The following C2orf42 variants were observed in gnomAD, a reference collection of about 807,000 sequenced individuals.
C2orf42 encodes the protein uncharacterized protein C2orf42.
In C2orf42, 44 loss-of-function variants were observed where a neutral mutation model predicts 58.9. The ratio of observed to expected loss-of-function variants is 0.75; its 90% CI spans 0.59 to 0.96. The LOEUF (loss-of-function observed/expected upper bound fraction) is 0.96, where lower values mean the gene tolerates loss of function less well. Among genes scored for constraint, C2orf42 ranks in the 40% least tolerant of loss-of-function variants. The pLI is 0.00. For synonymous variants in C2orf42, 239 were observed against 265.4 expected (o/e 0.90, Z 0.97); for missense variants, 630 against 699.2 (o/e 0.90, Z 1.12).
At chr2:70,155,003 T>C (rs529518689) in intron 9 of C2orf42, among the ~76,000 whole-genome samples, 17 of 152,186 alleles carry the variant, frequency 1.1e-4, no homozygotes, top group Admixed American at 1.0e-3. Context: ...TCCAGCACTT[T>C]GGGAGGCCAA....
intron 5 of C2orf42, among the ~76,000 whole-genome samples, chr2:70,174,816 G>A (rs140203706): frequency 1.3e-5 from 2 of 152,098 alleles, no homozygotes; most frequent in Admixed American, 6.6e-5. Context: ...GATTACAGAC[G>A]TCTGCCACCA....
intron 1 of C2orf42, among the ~76,000 whole-genome samples, chr2:70,187,128 A>C (rs1041435589): frequency 1.3e-5 from 2 of 149,154 alleles, no homozygotes; most frequent in African/African-American, 2.5e-5. Context: ...AAAACAAAAC[A>C]AAAAAAAAAC....
chr2:70,168,446 CCTGG>C lies in C2orf42; in HGVS notation c.1144+1107_1144+1110del, dbSNP rs1427087474. 3.3e-5 allele frequency among the ~76,000 whole-genome samples: 5 copies of C among 151,212 alleles called. No individual in the cohort carries two copies. In the Admixed American group the frequency reaches 3.3e-4, roughly 10 times the overall value. ...GGGACTACAGGCACCCGCCACCACA[CCTGG>C]CTAATTTTTTTGTATTTTTAGTAGA... On this transcript the variant is annotated intron_variant, in intron 6 of 9. Coordinates refer to ENST00000264434, the MANE Select transcript of C2orf42 (RefSeq NM_017880.3).
chr2:70,151,391 T>G (rs1452474876), intron 9 of C2orf42, among the ~76,000 whole-genome samples: 2 of 152,094 alleles, frequency 1.3e-5, no homozygotes, highest in African/African-American at 4.8e-5. Context: ...ATTCCAGCAC[T>G]GTGGGAGGCT....
chr2:70,154,414 TAAAAAAAAAAAAAAA>T (rs36028499), intron 9 of C2orf42, among the ~76,000 whole-genome samples: 32 of 25,604 alleles, frequency 1.2e-3, no homozygotes, highest in East Asian at 3.6e-3. Context: ...AAATTTTTAC[TAAAAAAAAAAAAAAA>T]AAAAAAAAAA....
chr2:70,160,047 G>A (rs965249291), intron 9 of C2orf42, among the ~76,000 whole-genome samples: 1 of 151,488 alleles, frequency 6.6e-6, no homozygotes. Context: ...ATACAAAACT[G>A]AAGAAACAAA....
rs978577289 is a variant in C2orf42, at chr2:70,181,242, G to T, written c.744C>A (p.Phe248Leu). 1.2e-6 allele frequency: 2 copies of T among 1,606,998 alleles called. No homozygotes were observed. Among genetic ancestry groups the T allele is most frequent in the Non-Finnish European group, 1.7e-6 (2 of 1,174,248 alleles). ...TGGCAAAGGCACAGATGCAAGCAAA[G>T]AAATGAATGCATCTCTGGGCTGTCT... ...KDETAQRCIHFFACICAFASD... is the reference protein window; with the variant it reads ...KDETAQRCIHLFACICAFASD... Residue 248 changes from phenylalanine to leucine, a missense_variant, in exon 3 of 10, where the codon TTC (phenylalanine) becomes TTA (leucine). Transcript: ENST00000264434.
intron 8 of C2orf42, among the ~76,000 whole-genome samples, chr2:70,161,689 A>C (rs1673058588): frequency 6.6e-6 from 1 of 151,908 alleles, no homozygotes; most frequent in African/African-American, 2.4e-5. Context: ...AAAAATACAA[A>C]ATTAGCCAGG....
At chr2:70,176,847 G>T (rs1318054149) in intron 4 of C2orf42, among the ~76,000 whole-genome samples, 20 of 152,098 alleles carry the variant, frequency 1.3e-4, no homozygotes, top group Non-Finnish European at 2.4e-4. Flanking sequence ...CTTTACCATG[G>T]TTCATTTAAC....
In C2orf42 at chr2:70,156,992, G is replaced by A. The variant is rs570597255; in HGVS notation, c.1516+3633C>T. 1.3e-3 allele frequency among the ~76,000 whole-genome samples: 192 copies of A among 152,214 alleles called. 1 individual carries two copies. The highest frequency in any genetic ancestry group is 0.01 in the Middle Eastern group (3 of 294). On this transcript the variant is annotated intron_variant, in intron 9 of 9. Transcript: ENST00000264434. ...TTTACATTGATAACATACAATTTAC[G>A]TTAACAACATCTGGCAATAACTCTG... is the stretch of plus-strand genomic sequence containing the variant.
At chr2:70,155,690 C>T (rs1326012678) in intron 9 of C2orf42, among the ~76,000 whole-genome samples, 4 of 151,438 alleles carry the variant, frequency 2.6e-5, no homozygotes, top group African/African-American at 9.7e-5. Flanking sequence ...GTCCCAGCTA[C>T]TCGGGAGGCT....
chr2:70,180,122 T>C (rs901067724), intron 3 of C2orf42, among the ~76,000 whole-genome samples: 1 of 151,376 alleles, frequency 6.6e-6, no homozygotes, highest in Non-Finnish European at 1.5e-5. Flanking sequence ...TGAAACCTCA[T>C]CTCTACTAAA....
intron 5 of C2orf42, among the ~76,000 whole-genome samples, chr2:70,174,632 C>T (rs926022203): frequency 1.3e-5 from 2 of 152,018 alleles, no homozygotes; most frequent in Non-Finnish European, 2.9e-5. Context: ...ACTCCCTGTG[C>T]TACTCTTTTA....
At chr2:70,163,799 G>A (rs370955052) in intron 8 of C2orf42, among the ~76,000 whole-genome samples, 28 of 152,094 alleles carry the variant, frequency 1.8e-4, no homozygotes, top group Non-Finnish European at 3.4e-4. Context: ...ACAGTGAGCC[G>A]AGATCGTGCC....
At chr2:70,179,268 CA>C (rs947592303) in intron 4 of C2orf42, among the ~76,000 whole-genome samples, 105 of 144,818 alleles carry the variant, frequency 7.3e-4, no homozygotes, top group African/African-American at 2.4e-3. Context: ...CCCATAAGAA[CA>C]AAAACATAAT....
At chr2:70,157,339 AGC>A (rs1672740800) in intron 9 of C2orf42, among the ~76,000 whole-genome samples, 1 of 152,132 alleles carries the variant, frequency 6.6e-6, no homozygotes. Flanking sequence ...CTGTAGTCCC[AGC>A]TACTCAGGAG....
intron 8 of C2orf42, among the ~76,000 whole-genome samples, chr2:70,162,720 T>C (rs1673137289): frequency 6.6e-6 from 1 of 152,084 alleles, no homozygotes; most frequent in Non-Finnish European, 1.5e-5. Flanking sequence ...CAATCCTTCA[T>C]CTCAGCCTCC....
chr2:70,170,471 C>T (rs1673734403), intron 5 of C2orf42, among the ~76,000 whole-genome samples: 3 of 151,994 alleles, frequency 2.0e-5, no homozygotes, highest in Admixed American at 2.0e-4. Flanking sequence ...TGGTCTCAAA[C>T]TCCTGGCCTC....
chr2:70,186,551 G>A (rs1195347860), intron 1 of C2orf42, among the ~76,000 whole-genome samples: 3 of 152,170 alleles, frequency 2.0e-5, no homozygotes, highest in African/African-American at 7.2e-5. Flanking sequence ...TCAGTGTGGC[G>A]ATTCCTCAGG....
Sources: allele counts gnomAD v4.1 joint callset (sites outside exome capture counted in the v4.1 genomes callset), GRCh38; gene constraint gnomAD v4.1.1; transcripts MANE v1.5; gene names NCBI Gene and HGNC (gene_info 2026-07-23, HGNC 2026-07-21).